CFAP52: variants seen among roughly 807,000 people sequenced by gnomAD.
CFAP52 encodes cilia- and flagella-associated protein 52.
Under a neutral mutation model 70.5 loss-of-function variants are expected in CFAP52, and 57 were observed. The ratio of observed to expected loss-of-function variants is 0.81; its 90% CI spans 0.65 to 1.01. CFAP52 has a LOEUF of 1.01. CFAP52 is among the 50% of genes least tolerant of loss of function. The pLI, the probability that CFAP52 is intolerant of heterozygous loss-of-function variation, is 0.00. For missense variants in CFAP52, 785 were observed against 788.5 expected (o/e 1.00, Z 0.05); for synonymous variants, 267 against 292.5 (o/e 0.91, Z 0.89).
At chr17:9,612,221 T>C in intron 7 of CFAP52, 88 bp from the exon 8 acceptor site, 1 of 1,489,798 alleles carries the variant, frequency 6.7e-7, no homozygotes, top group Non-Finnish European at 9.1e-7. Flanking sequence ...ATTATATGCC[T>C]GATTTGTATC....
At chr17:9,636,103 T>A (rs113085321) in intron 11 of CFAP52, among the ~76,000 whole-genome samples, 2 of 150,950 alleles carry the variant, frequency 1.3e-5, no homozygotes, top group African/African-American at 4.9e-5. Flanking sequence ...GAACCCAGGA[T>A]GCGGAGGTTG....
chr17:9,579,207 C>T (rs181233418), intron 1 of CFAP52, among the ~76,000 whole-genome samples: 1 of 151,912 alleles, frequency 6.6e-6, no homozygotes, highest in African/African-American at 2.4e-5. Flanking sequence ...TATACTAGCT[C>T]TAAAAAAAAG....
Position 9,608,201 on chromosome 17 carries a change from C to T in CFAP52, c.836C>T (p.Pro279Leu). 6.2e-7 allele frequency: 1 copy of T among 1,610,486 alleles called. No individual in the cohort carries two copies. Among genetic ancestry groups the T allele is most frequent in the Non-Finnish European group, 8.5e-7 (1 of 1,177,954 alleles). Residue 279 changes from proline to leucine, a missense_variant, in exon 7 of 14, where the codon CCT becomes CTT. Physicochemically the swap from Pro to Leu is moderately conservative, Grantham distance 98 (BLOSUM62 -3). Coordinates refer to ENST00000352665, the MANE Select transcript of CFAP52 (RefSeq NM_145054.5). ...GGACTGCTGGTCTTCTGTAAAAGCC[C>T]TGGCTACAAACCCATCAAGTAAGTT... is the stretch of plus-strand genomic sequence containing the variant. Reference protein sequence around the residue: ...GAGLLVFCKSPGYKPIKKIQL... With the variant: ...GAGLLVFCKSLGYKPIKKIQL...
intron 9 of CFAP52, among the ~76,000 whole-genome samples, chr17:9,630,269 C>T (rs1036556046): frequency 1.3e-5 from 2 of 151,186 alleles, no homozygotes; most frequent in African/African-American, 4.8e-5. Context: ...AGCCAGAAGC[C>T]AGAGGTCTGT....
Position 9,612,488 on chromosome 17 carries a change from A to T in CFAP52, c.1025+9A>T, listed in dbSNP as rs1239115295. ...GATATTGTCTTTCCATTGTGAGTAG[A>T]AGAGAAAAACAAGAATGTGGAGATT... On this transcript the variant is annotated intron_variant, in intron 8 of 13. Coordinates refer to ENST00000352665, the MANE Select transcript of CFAP52 (RefSeq NM_145054.5). The T allele has an allele frequency of 6.2e-7, 1 of 1,610,140 alleles. No individual in the cohort carries two copies.
At chr17:9,631,896 T>C (rs921057466) in intron 9 of CFAP52, among the ~76,000 whole-genome samples, 1 of 151,226 alleles carries the variant, frequency 6.6e-6, no homozygotes, top group Non-Finnish European at 1.5e-5. Flanking sequence ...GCCTCCTGAG[T>C]AGCTGGGATT....
At chr17:9,603,499 A>G (rs970734595) in intron 6 of CFAP52, among the ~76,000 whole-genome samples, 4 of 152,104 alleles carry the variant, frequency 2.6e-5, no homozygotes, top group African/African-American at 7.2e-5. Context: ...GTGAGCCACC[A>G]CACCCGGCCC....
intron 8 of CFAP52, among the ~76,000 whole-genome samples, chr17:9,615,555 C>A (rs933115444): frequency 6.6e-6 from 1 of 151,802 alleles, no homozygotes; most frequent in East Asian, 1.9e-4. Flanking sequence ...CCGTTTTAAC[C>A]TTTGCTGCAT....
Position 9,600,093 on chromosome 17 carries a change from C to A in CFAP52, c.663C>A (p.Tyr221Ter), listed in dbSNP as rs747272721. The A allele has an allele frequency of 6.2e-7, 1 of 1,613,612 alleles. No homozygotes were observed. The highest frequency in any genetic ancestry group is 1.3e-5 in the African/African-American group (1 of 74,860). Residue 221 changes from tyrosine to a stop codon, truncating the protein, a stop_gained, in exon 6 of 14, where the codon TAC becomes TAA. Coordinates refer to ENST00000352665, the MANE Select transcript of CFAP52 (RefSeq NM_145054.5). LOFTEE classifies it high-confidence loss of function. ...IGVDDDDSFF[Y>*]LGTTTGDILK... ...TGGATGATGATGATAGCTTTTTCTA[C>A]CTTGGCACCACGACTGGAGATATTC...
rs748704412 is a variant in CFAP52 at position 9,638,677 on chromosome 17, A to C, written c.1541A>C (p.Glu514Ala). The part of the protein sequence containing the change: ...LFQCVCYHPE[E>A]FQIITSGTDR... ...CAGTGTGTGTGCTATCACCCTGAGG[A>C]GTTCCAGATCATCACCAGCGGAACA... The change falls in exon 12 of 14, where the codon GAG (glutamate) becomes GCG (alanine). Residue 514 changes from glutamate (E) to alanine (A), a missense_variant. Physicochemically the swap from Glu to Ala is moderately radical, Grantham distance 107. Coordinates refer to ENST00000352665, the MANE Select transcript of CFAP52 (RefSeq NM_145054.5). 2.5e-6 allele frequency: 4 copies of C among 1,614,214 alleles called. No homozygotes were observed. The South Asian group carries it at 4.4e-5, about 18-fold the overall frequency.
At chr17:9,630,990 A>AAAAGAAAGAAAGAAAGAAAGAAAG (rs1183878434) in intron 9 of CFAP52, among the ~76,000 whole-genome samples, 3 of 97,584 alleles carry the variant, frequency 3.1e-5, no homozygotes, top group South Asian at 4.1e-4. Flanking sequence ...CATCTCAAAA[A>AAAAGAAAGAAAGAAAGAAAGAAAG]AAAGAAAGAA....
chr17:9,610,139 A>G (rs889306685), intron 7 of CFAP52, among the ~76,000 whole-genome samples: 14 of 152,190 alleles, frequency 9.2e-5, no homozygotes, highest in African/African-American at 3.1e-4. Context: ...AGCAACAATC[A>G]GGAGAGGAAA....
At chr17:9,614,471 C>G (rs1028744756) in intron 8 of CFAP52, among the ~76,000 whole-genome samples, 1 of 152,144 alleles carries the variant, frequency 6.6e-6, no homozygotes, top group Non-Finnish European at 1.5e-5. Flanking sequence ...AAATATTTCT[C>G]TTGCCATCAA....
rs779051391 is a variant in CFAP52, at chr17:9,643,025, G to A, written c.1690G>A (p.Gly564Arg). Reference sequence around the variant, plus strand: ...ATATACGTGTTTATCTTTTTCAGGTGGAAATGACCATCTGGTCAAAGTTTG... The same window carrying A: ...ATATACGTGTTTATCTTTTTCAGGTAGAAATGACCATCTGGTCAAAGTTTG... ...TQEGVHFVTG[G>R]NDHLVKVWDY... The change falls in exon 14 of 14, where the codon GGA (glycine) becomes AGA (arginine). Residue 564 changes from glycine to arginine, a missense_variant and splice_region_variant. Transcript: ENST00000352665. The A allele has an allele frequency of 1.9e-6, 3 of 1,596,180 alleles. No individual in the cohort carries two copies. The highest frequency in any genetic ancestry group is 2.3e-5 in the South Asian group (2 of 86,810).
intron 9 of CFAP52, among the ~76,000 whole-genome samples, chr17:9,630,964 T>A: frequency 7.3e-6 from 1 of 137,736 alleles, no homozygotes; most frequent in East Asian, 2.2e-4. Context: ...CCAGCCTGGG[T>A]AACAGAGCCA....
chr17:9,588,289 C>T (rs1245616142), intron 3 of CFAP52, among the ~76,000 whole-genome samples: 3 of 152,120 alleles, frequency 2.0e-5, no homozygotes, highest in South Asian at 2.1e-4. Context: ...GGTGCCCTGG[C>T]GCCCAGAGAA....
intron 1 of CFAP52, among the ~76,000 whole-genome samples, chr17:9,580,633 G>T (rs1793490500): frequency 6.6e-6 from 1 of 150,512 alleles, no homozygotes; most frequent in Admixed American, 6.6e-5. Flanking sequence ...AGGCTGCAGT[G>T]AGCCATCACT....
chr17:9,635,155 A>G (rs1427789963), intron 10 of CFAP52, among the ~76,000 whole-genome samples: 1 of 152,166 alleles, frequency 6.6e-6, no homozygotes, highest in Non-Finnish European at 1.5e-5. Flanking sequence ...TAAATTTCTC[A>G]GCCTGTATGT....
At chr17:9,584,511 T>A (rs1220847629) in intron 1 of CFAP52, 32 of 433,358 alleles carry the variant, frequency 7.4e-5, no homozygotes, top group Non-Finnish European at 9.8e-5. Flanking sequence ...TGAAATGATG[T>A]CTACGATCAA....
Sources: allele counts gnomAD v4.1 joint callset (sites outside exome capture counted in the v4.1 genomes callset), GRCh38; gene constraint gnomAD v4.1.1; transcripts MANE v1.5; gene names NCBI Gene and HGNC (gene_info 2026-07-23, HGNC 2026-07-21).